Variants in ADD1 observed in about 807,000 individuals in gnomAD.
The protein encoded by ADD1 is adducin 1, also known as alpha-adducin.
In ADD1, 24 loss-of-function variants were observed where a neutral mutation model predicts 80.5. The ratio of observed to expected loss-of-function variants is 0.30; its 90% CI spans 0.22 to 0.42. The LOEUF (loss-of-function observed/expected upper bound fraction) is 0.42, where lower values mean the gene tolerates loss of function less well. ADD1 is among the 10% of genes least tolerant of loss of function. The pLI is 1.00. For synonymous variants in ADD1, 373 were observed against 393.8 expected, an observed-to-expected ratio of 0.95 and a Z score of 0.63; for missense variants, 948 against 1,019.0, an observed-to-expected ratio of 0.93 and a Z score of 0.95.
intron 14 of ADD1, among the ~76,000 whole-genome samples, 194 bp from the exon 15 acceptor site, chr4:2,925,820 C>T (rs989096123): frequency 6.6e-6 from 1 of 152,222 alleles, no homozygotes; most frequent in African/African-American, 2.4e-5. Context: ...TTAAGTTTCT[C>T]TGAAATTCGC....
chr4:2,853,868 T>C (rs900795339), intron 1 of ADD1, among the ~76,000 whole-genome samples: 3 of 152,190 alleles, frequency 2.0e-5, no homozygotes, highest in Non-Finnish European at 2.9e-5. Flanking sequence ...CCTCCAAAAG[T>C]GCTGGGATTA....
At chr4:2,901,883 G>A (rs1353601471) in intron 9 of ADD1, 1 of 146,472 alleles carries the variant, frequency 6.8e-6, no homozygotes, top group African/African-American at 2.5e-5. Flanking sequence ...TATAATTTCA[G>A]TTTCTCAAAG....
intron 3 of ADD1, 124 bp downstream of exon 3, chr4:2,882,184 T>G (rs984277886): frequency 1.1e-6 from 1 of 936,742 alleles, no homozygotes; most frequent in Non-Finnish European, 1.5e-6. Context: ...ATTTTGAAAA[T>G]TAATGTGTTT....
chr4:2,887,023 G>A (rs1733487997), intron 4 of ADD1, among the ~76,000 whole-genome samples: 1 of 152,192 alleles, frequency 6.6e-6, no homozygotes, highest in Admixed American at 6.5e-5. Flanking sequence ...GTTTGAATTG[G>A]TTAAATTGCT....
At chr4:2,898,859 C>G (rs766385376) in intron 8 of ADD1, 35 of 395,250 alleles carry the variant, frequency 8.9e-5, no homozygotes, top group African/African-American at 1.4e-4. Flanking sequence ...CCCCACAGTA[C>G]TCTTTGAAAA....
intron 2 of ADD1, among the ~76,000 whole-genome samples, chr4:2,879,715 C>T (rs887343182): frequency 6.6e-6 from 1 of 151,912 alleles, no homozygotes; most frequent in Admixed American, 6.6e-5. Context: ...CTCCACCTCC[C>T]GAGTTCAAAT....
rs1191125050 is a variant in ADD1, at chr4:2,929,299, T to C, written c.*776T>C. On this transcript the variant is annotated 3_prime_UTR_variant, in exon 16 of 16. Transcript: ENST00000683351. The stretch of plus-strand genomic sequence containing the variant: ...AGCTTACATTTTTCGACTGTGAACG[T>C]GAATAGGCTGCTTTTTGCTTTCTTC... 1 of 152,250 alleles carries C rather than the reference T, an allele frequency of 6.6e-6. No individual in the cohort carries two copies. Among genetic ancestry groups the C allele is most frequent in the Non-Finnish European group, 1.5e-5 (1 of 68,072 alleles). 9.4% of individuals were successfully genotyped at this position (152,250 alleles called of 1,614,324 possible). A position where few individuals can be genotyped will look rare whatever the true frequency, so the allele number is the denominator to read the frequency against.
chr4:2,926,684 C>T lies in ADD1; in HGVS notation c.2047+572C>T, dbSNP rs746544785. Reference sequence around the variant, plus strand: ...GAGTACCTGTTACCCTAGTAAGTACCGTGCTGCCTCCGCTCTCCACCGGTG... The same window carrying T: ...GAGTACCTGTTACCCTAGTAAGTACTGTGCTGCCTCCGCTCTCCACCGGTG... On this transcript the variant is annotated intron_variant, in intron 15 of 15. Transcript: ENST00000683351. This position sits in a 1 kb window ranked among gnomAD's most constrained non-coding sequence, Gnocchi z 5.0. 64 of 1,613,358 alleles carry T rather than the reference C, an allele frequency of 4.0e-5. No homozygotes were observed. Among genetic ancestry groups the T allele is most frequent in the Admixed American group, 3.0e-4 (18 of 59,974 alleles).
intron 1 of ADD1, among the ~76,000 whole-genome samples, chr4:2,865,078 G>T (rs1729347801): frequency 6.6e-6 from 1 of 151,792 alleles, no homozygotes; most frequent in African/African-American, 2.4e-5. Context: ...TATTCTTCCT[G>T]CATTTCTTTA....
intron 1 of ADD1, among the ~76,000 whole-genome samples, chr4:2,848,290 T>A (rs1726554981): frequency 6.6e-6 from 1 of 152,208 alleles, no homozygotes; most frequent in South Asian, 2.1e-4. Flanking sequence ...TAATGCTTAT[T>A]CTGGCCTTTC....
chr4:2,845,486 C>G (rs1011994580), intron 1 of ADD1, among the ~76,000 whole-genome samples: 1 of 152,098 alleles, frequency 6.6e-6, no homozygotes, highest in Non-Finnish European at 1.5e-5. Flanking sequence ...TTCAGAGTTT[C>G]GATGTGGTTT....
intron 4 of ADD1, among the ~76,000 whole-genome samples, chr4:2,892,565 C>G (rs980249179): frequency 6.6e-6 from 1 of 152,162 alleles, no homozygotes; most frequent in Non-Finnish European, 1.5e-5. Flanking sequence ...CACAGTGGCT[C>G]ACACCTGTAA....
rs780821087 is a variant in ADD1, at chr4:2,928,484, G to A, written c.2361G>A (p.Pro787=). 31 of 1,613,594 alleles carry A rather than the reference G, an allele frequency of 1.9e-5. No homozygotes were observed. The highest frequency in any genetic ancestry group is 1.6e-4 in the Middle Eastern group (1 of 6,082). ...PSKKKKKFRT[P]SFLKKSKKKS... ...AAAAGAAGAAGAAGTTCCGTACCCC[G>A]TCCTTTCTGAAGAAGAGCAAGAAGA... The change falls in exon 16 of 16, where the codon CCG becomes CCA. Residue 787 remains proline (P), a synonymous_variant. Transcript: ENST00000683351.
At chr4:2,860,536 G>C (rs781705267) in intron 1 of ADD1, among the ~76,000 whole-genome samples, 2 of 152,176 alleles carry the variant, frequency 1.3e-5, no homozygotes, top group Non-Finnish European at 2.9e-5. Context: ...ACTTAGATTA[G>C]CGTTGTTAGT....
chr4:2,849,528 T>C (rs1726749290), intron 1 of ADD1, among the ~76,000 whole-genome samples: 1 of 152,172 alleles, frequency 6.6e-6, no homozygotes, highest in African/African-American at 2.4e-5. Flanking sequence ...TGTAACTACA[T>C]GTGTGCCTCT....
chr4:2,856,646 C>T (rs1398623548), intron 1 of ADD1, among the ~76,000 whole-genome samples: 7 of 135,300 alleles, frequency 5.2e-5, no homozygotes, highest in African/African-American at 2.0e-4. Flanking sequence ...GGCTGGAGTG[C>T]TGTGGCATGA....
intron 10 of ADD1, chr4:2,907,371 G>T: frequency 5.7e-6 from 1 of 175,120 alleles, no homozygotes; most frequent in Non-Finnish European, 1.2e-5. Flanking sequence ...CATGCTTCCA[G>T]TTGGCTTTGG....
intron 4 of ADD1, among the ~76,000 whole-genome samples, chr4:2,893,375 C>T (rs1332368385): frequency 6.6e-6 from 1 of 151,902 alleles, no homozygotes; most frequent in East Asian, 1.9e-4. Context: ...TTTGAGAGGC[C>T]AAGGAAGGCA....
chr4:2,881,427 T>TAATAAGGA (rs1384655652), intron 2 of ADD1, among the ~76,000 whole-genome samples: 2 of 152,200 alleles, frequency 1.3e-5, no homozygotes, highest in Admixed American at 1.3e-4. Context: ...GTATTTGCTG[T>TAATAAGGA]AATAAGGACT....
Sources: allele counts gnomAD v4.1 joint callset (sites outside exome capture counted in the v4.1 genomes callset), GRCh38; gene constraint gnomAD v4.1.1; non-coding constraint Gnocchi (gnomAD v3.1); transcripts MANE v1.5; gene names NCBI Gene and HGNC (gene_info 2026-07-23, HGNC 2026-07-21).